Variants in DOCK11 observed in about 807,000 individuals in gnomAD.
The protein encoded by DOCK11 is dedicator of cytokinesis 11, also known as dedicator of cytokinesis protein 11.
In DOCK11, 70 loss-of-function variants were observed where a neutral mutation model predicts 169.1. The ratio of observed to expected loss-of-function variants is 0.41; its 90% CI spans 0.34 to 0.51. The LOEUF (loss-of-function observed/expected upper bound fraction) is 0.51. Among genes scored for constraint, DOCK11 ranks in the 20% least tolerant of loss-of-function variants. The pLI is 0.10. For synonymous variants in DOCK11, 529 were observed against 541.3 expected, an observed-to-expected ratio of 0.98 and a Z score of 0.32; for missense variants, 1,166 against 1,538.8, an observed-to-expected ratio of 0.76 and a Z score of 4.05.
chrX:118,626,706 G>A (rs919484096), intron 32 of DOCK11, among the ~76,000 whole-genome samples: 3 of 112,165 alleles, frequency 2.7e-5, no homozygotes, highest in Admixed American at 1.9e-4. Flanking sequence ...GTGACTCCCA[G>A]TCATGTCAAC....
intron 44 of DOCK11, among the ~76,000 whole-genome samples, chrX:118,655,302 A>G (rs1431260308): frequency 9.6e-6 from 1 of 104,694 alleles, no homozygotes; most frequent in African/African-American, 3.6e-5. Context: ...TCCTGTACCT[A>G]TTTTAAAATA....
At chrX:118,616,528 T>G (rs918274138) in intron 30 of DOCK11, among the ~76,000 whole-genome samples, 1 of 65,986 alleles carries the variant, frequency 1.5e-5, no homozygotes, top group Admixed American at 1.6e-4. Flanking sequence ...AAGTTACTTG[T>G]TTTTTTTTTG....
intron 16 of DOCK11, 141 bp from the exon 17 acceptor site, chrX:118,587,996 A>AT (rs935810013): frequency 1.6e-5 from 9 of 556,870 alleles, no homozygotes; most frequent in Admixed American, 4.9e-5. Context: ...TTGTCATGTG[A>AT]TTTTTTTGGT....
At position 118,557,581 on chromosome X, in the gene DOCK11, T is replaced by C. The variant is rs146595249; in HGVS notation, c.559-3802T>C. Among the ~76,000 whole-genome samples, 850 of 108,155 alleles carry C rather than the reference T, an allele frequency of 7.9e-3. 24 individuals are homozygous for C. In the East Asian group the frequency reaches 0.11, roughly 14 times the overall value. The allele number at this position is 108,155 out of a possible 115,157, so 93.9% of individuals were successfully genotyped here. The stretch of plus-strand genomic sequence containing the variant: ...CAGATCGAGACCATCCTGGCTAACA[T>C]GGTGAAACCCCGTCTCTACTAAAAA... On this transcript the variant is annotated intron_variant, in intron 6 of 52. Transcript: ENST00000276202.
At chrX:118,623,041 C>T (rs759286311) in intron 31 of DOCK11, among the ~76,000 whole-genome samples, 101 of 111,496 alleles carry the variant, frequency 9.1e-4, no homozygotes, top group Non-Finnish European at 1.7e-3. Flanking sequence ...CATAGTAAAA[C>T]GCTGTTTCTA....
At chrX:118,625,355 C>T (rs189043539) in intron 32 of DOCK11, among the ~76,000 whole-genome samples, 7,257 of 110,159 alleles carry the variant, frequency 0.066, 203 homozygotes, top group Non-Finnish European at 0.081. Context: ...CGGTGTTTCA[C>T]CATGTTAGCC....
chrX:118,629,816 ATT>A (rs67646403), intron 34 of DOCK11, among the ~76,000 whole-genome samples: 7 of 75,408 alleles, frequency 9.3e-5, no homozygotes, highest in African/African-American at 9.8e-5. Context: ...ACCCAGCTAA[ATT>A]TTTTTTTTTT....
chrX:118,576,915 C>G (rs1206127063), intron 12 of DOCK11, among the ~76,000 whole-genome samples: 1 of 112,000 alleles, frequency 8.9e-6, no homozygotes, highest in Non-Finnish European at 1.9e-5. Flanking sequence ...CAGGCACGAG[C>G]CACCACACCC....
chrX:118,619,310 C>T lies in DOCK11; in HGVS notation c.3471+582C>T, dbSNP rs1413474351. 4.8e-5 allele frequency among the ~76,000 whole-genome samples: 5 copies of T among 104,571 alleles called. No individual in the cohort carries two copies. The Admixed American group carries it at 5.2e-4, about 11-fold the overall frequency. 90.8% of individuals were successfully genotyped at this position (104,571 alleles called of 115,157 possible). Reference sequence around the variant, plus strand: ...GCAACATGGTGAAACCTCATCTCTACTAAAAATACAAAAATTAGCCGGGCG... The same window carrying T: ...GCAACATGGTGAAACCTCATCTCTATTAAAAATACAAAAATTAGCCGGGCG... On this transcript the variant is annotated intron_variant, in intron 31 of 52. Transcript: ENST00000276202.
chrX:118,595,850 G>A (rs1259263853), intron 20 of DOCK11, among the ~76,000 whole-genome samples: 1 of 111,432 alleles, frequency 9.0e-6, no homozygotes, highest in African/African-American at 3.3e-5. Context: ...GTACAAAAAT[G>A]TTGCCTAAGC....
At chrX:118,581,128 G>A (rs1402561167) in intron 14 of DOCK11, among the ~76,000 whole-genome samples, 1 of 112,146 alleles carries the variant, frequency 8.9e-6, no homozygotes, top group African/African-American at 3.2e-5. Flanking sequence ...AGCCTGTACA[G>A]CTCACTGGGG....
At chrX:118,541,821 T>G (rs2012013816) in intron 1 of DOCK11, among the ~76,000 whole-genome samples, 1 of 112,009 alleles carries the variant, frequency 8.9e-6, no homozygotes, top group African/African-American at 3.3e-5. Context: ...TTAGCTTCAG[T>G]CTGGGTCCTA....
chrX:118,563,826 A>C (rs1406294354), intron 7 of DOCK11, among the ~76,000 whole-genome samples: 1 of 108,434 alleles, frequency 9.2e-6, no homozygotes, highest in Non-Finnish European at 1.9e-5. Context: ...TCTCCTGCCT[A>C]GAGTAGCTGG....
chrX:118,593,306 A>C lies in DOCK11; in HGVS notation c.2232A>C (p.Thr744=). The C allele has an allele frequency of 6.6e-6, 8 of 1,205,225 alleles. No individual in the cohort carries two copies. Among genetic ancestry groups the C allele is most frequent in the Non-Finnish European group, 9.0e-6 (8 of 893,344 alleles). The change falls in exon 20 of 53, where the codon ACA becomes ACC. Residue 744 remains threonine, a synonymous_variant. Transcript: ENST00000276202. The part of the protein sequence containing the change: ...HVSCEINTKG[T]TKKQDTVETP... The stretch of plus-strand genomic sequence containing the variant: ...GTTGTGAAATTAACACAAAGGGAAC[A>C]ACCAAAAAGCAAGACACAGTTGAAA...
intron 11 of DOCK11, 128 bp from the exon 12 acceptor site, chrX:118,573,678 G>A (rs753342836): frequency 1.9e-6 from 1 of 522,907 alleles, no homozygotes; most frequent in African/African-American, 2.3e-5. Flanking sequence ...TTAGCTAAGT[G>A]TTGAACTCAG....
chrX:118,660,099 T>C, intron 44 of DOCK11, among the ~76,000 whole-genome samples: 1 of 111,589 alleles, frequency 9.0e-6, no homozygotes, highest in Non-Finnish European at 1.9e-5. Flanking sequence ...GCTGATCAAG[T>C]GGGATGGTTT....
chrX:118,540,326 TGA>T (rs1350625463), intron 1 of DOCK11, among the ~76,000 whole-genome samples: 1 of 111,178 alleles, frequency 9.0e-6, no homozygotes, highest in African/African-American at 3.3e-5. Context: ...TCAACTTCTC[TGA>T]GAAATTGATC....
chrX:118,613,315 C>G (rs1426844011), intron 28 of DOCK11, among the ~76,000 whole-genome samples: 1 of 111,853 alleles, frequency 8.9e-6, no homozygotes, highest in African/African-American at 3.3e-5. Context: ...GGGTCTTACC[C>G]TGGGCAGTGG....
intron 10 of DOCK11, among the ~76,000 whole-genome samples, chrX:118,569,091 C>CTTTTTTTTTTT (rs1186200391): frequency 2.2e-4 from 10 of 45,007 alleles, no homozygotes; most frequent in Non-Finnish European, 3.3e-4. Flanking sequence ...TCTTTCTTTC[C>CTTTTTTTTTTT]TTTTTTTTTT....
Sources: gnomAD v4.1 joint callset for allele counts (sites outside exome capture counted in the v4.1 genomes callset) on GRCh38, gnomAD v4.1.1 for gene constraint, MANE v1.5 for transcripts, NCBI Gene and HGNC (gene_info 2026-07-23, HGNC 2026-07-21) for gene names.